The following ZNF827 variants were observed in gnomAD, a reference collection of about 807,000 sequenced individuals.
The protein encoded by ZNF827 is zinc finger protein 827.
A neutral mutation model predicts 102.4 loss-of-function variants in ZNF827; 13 were observed. The observed-to-expected ratio is 0.13, with a 90% confidence interval of 0.08 to 0.20. The LOEUF is 0.20. Among genes scored for constraint, ZNF827 ranks in the 10% least tolerant of loss-of-function variants. ZNF827 has a pLI of 1.00. For synonymous variants in ZNF827, 523 were observed against 536.2 expected, an observed-to-expected ratio of 0.98 and a Z score of 0.34; for missense variants, 1,103 against 1,344.4, an observed-to-expected ratio of 0.82 and a Z score of 2.81.
intron 7 of ZNF827, chr4:145,831,080 A>G (rs1357925115): frequency 1.3e-5 from 2 of 152,240 alleles, no homozygotes; most frequent in Non-Finnish European, 1.5e-5. Flanking sequence ...TCCCTTTTCA[A>G]TACCACAGAA....
intron 3 of ZNF827, among the ~76,000 whole-genome samples, chr4:145,890,793 G>A (rs1421192027): frequency 2.6e-5 from 4 of 152,176 alleles, no homozygotes; most frequent in Non-Finnish European, 2.9e-5. Context: ...AACTAAGTCG[G>A]CTGAGTAAAA....
chr4:145,864,784 T>G (rs550848684), intron 5 of ZNF827, among the ~76,000 whole-genome samples: 1 of 152,104 alleles, frequency 6.6e-6, no homozygotes, highest in African/African-American at 2.4e-5. Flanking sequence ...TGGAAGCAGG[T>G]AGAATCATAA....
chr4:145,869,030 T>C (rs1748453055), intron 5 of ZNF827, among the ~76,000 whole-genome samples: 1 of 152,244 alleles, frequency 6.6e-6, no homozygotes, highest in African/African-American at 2.4e-5. Flanking sequence ...TAGCAAATAG[T>C]ACAATCTTAC....
intron 1 of ZNF827, among the ~76,000 whole-genome samples, chr4:145,906,571 G>A (rs1751887527): frequency 6.6e-6 from 1 of 152,164 alleles, no homozygotes; most frequent in African/African-American, 2.4e-5. Flanking sequence ...GCTGAAACAG[G>A]TGAGTGTGCA....
At chr4:145,876,339 G>A (rs1405847055) in intron 4 of ZNF827, among the ~76,000 whole-genome samples, 2 of 152,188 alleles carry the variant, frequency 1.3e-5, no homozygotes, top group Non-Finnish European at 2.9e-5. Context: ...GTAGCCAGGA[G>A]TACTTCCCAG....
chr4:145,871,569 C>T (rs887259221), intron 4 of ZNF827, among the ~76,000 whole-genome samples: 4 of 152,202 alleles, frequency 2.6e-5, no homozygotes, highest in African/African-American at 7.2e-5. Flanking sequence ...ATTGATTACA[C>T]TGATTGTGTC....
chr4:145,783,489 C>A (rs1356924132), intron 8 of ZNF827, among the ~76,000 whole-genome samples: 2 of 152,210 alleles, frequency 1.3e-5, no homozygotes, highest in African/African-American at 2.4e-5. Context: ...GCTCTAAATT[C>A]TTACCTCTTC....
At chr4:145,785,409 C>T (rs1198109821) in intron 8 of ZNF827, among the ~76,000 whole-genome samples, 1 of 152,160 alleles carries the variant, frequency 6.6e-6, no homozygotes, top group Non-Finnish European at 1.5e-5. Flanking sequence ...GGAAGGAGTT[C>T]TATCAAAATC....
rs1424600332 is a variant in ZNF827 at position 145,849,530 on chromosome 4, C to A, written c.2013G>T (p.Lys671Asn). ...CAACCTCCATGGGTTCCTCTTTAAT[C>A]TTCACCATCTGTGTTTCCTTGTAGC... ...AESYKETQMV[K>N]IKEEPMEVDI... Residue 671 changes from lysine to asparagine, a missense_variant, in exon 6 of 15, where the codon AAG (lysine) becomes AAT (asparagine). Physicochemically the swap from Lys to Asn is moderately conservative, Grantham distance 94. Around this residue, in one of 5 missense-constraint regions of ZNF827, gnomAD observed 243 missense variants for 251.6 expected, o/e 0.97. Coordinates refer to ENST00000508784, the MANE Select transcript of ZNF827 (RefSeq NM_001306215.2). The A allele has an allele frequency of 1.2e-6, 2 of 1,614,182 alleles. No individual in the cohort carries two copies. The highest frequency in any genetic ancestry group is 8.5e-7 in the Non-Finnish European group (1 of 1,180,034).
chr4:145,932,013 A>G (rs2048161), intron 1 of ZNF827, among the ~76,000 whole-genome samples: 141,637 of 152,190 alleles, frequency 0.93, 66,056 homozygotes, highest in East Asian at 1. Flanking sequence ...TCAAGAAAGG[A>G]ATTAGTGCGT....
At chr4:145,798,198 A>T (rs1740554904) in intron 8 of ZNF827, among the ~76,000 whole-genome samples, 1 of 152,220 alleles carries the variant, frequency 6.6e-6, no homozygotes, top group Non-Finnish European at 1.5e-5. Flanking sequence ...CAAGCAATAT[A>T]TATGGTTTGC....
At chr4:145,891,162 G>C (rs912558050) in intron 3 of ZNF827, among the ~76,000 whole-genome samples, 2 of 152,178 alleles carry the variant, frequency 1.3e-5, no homozygotes, top group African/African-American at 4.8e-5. Flanking sequence ...TTGCTATTAA[G>C]ATGCTCAATG....
At chr4:145,849,189 T>C in intron 6 of ZNF827, 133 bp downstream of exon 6, 1 of 1,190,232 alleles carries the variant, frequency 8.4e-7, no homozygotes, top group African/African-American at 1.5e-5. Flanking sequence ...GCAGTATGCA[T>C]GTTAAAGCAA....
intron 8 of ZNF827, among the ~76,000 whole-genome samples, chr4:145,798,105 A>G (rs1740542561): frequency 6.6e-6 from 1 of 152,242 alleles, no homozygotes; most frequent in African/African-American, 2.4e-5. Context: ...AGAGGTTTGC[A>G]TACTGGAGTG....
intron 3 of ZNF827, among the ~76,000 whole-genome samples, chr4:145,891,068 T>C (rs1750558702): frequency 6.6e-6 from 1 of 152,244 alleles, no homozygotes; most frequent in Non-Finnish European, 1.5e-5. Flanking sequence ...TGTCCATACA[T>C]TATACTTCTT....
At chr4:145,885,138 T>C (rs1453018527) in intron 4 of ZNF827, among the ~76,000 whole-genome samples, 2 of 152,138 alleles carry the variant, frequency 1.3e-5, no homozygotes, top group Admixed American at 6.5e-5. Flanking sequence ...TAAAAAAATT[T>C]CCCATTAAAA....
chr4:145,825,067 G>C (rs958056826), intron 7 of ZNF827, among the ~76,000 whole-genome samples: 1 of 152,174 alleles, frequency 6.6e-6, no homozygotes, highest in African/African-American at 2.4e-5. Context: ...GAAGCGAAGG[G>C]GCAGATATGT....
chr4:145,870,140 G>A, intron 5 of ZNF827, 105 bp downstream of exon 5: 1 of 1,045,614 alleles, frequency 9.6e-7, no homozygotes, highest in Non-Finnish European at 1.4e-6. Context: ...CAGCAATAAT[G>A]CGATATTGCT....
chr4:145,776,459 T>C (rs1737107500), intron 9 of ZNF827, among the ~76,000 whole-genome samples: 1 of 138,068 alleles, frequency 7.2e-6, no homozygotes, highest in East Asian at 2.0e-4. Context: ...AAACCTTGTT[T>C]CAAAAAAAAG....
Sources: gnomAD v4.1 joint callset for allele counts (sites outside exome capture counted in the v4.1 genomes callset) on GRCh38, gnomAD v4.1.1 for gene constraint, gnomAD v4.1.1 regional missense constraint, MANE v1.5 for transcripts, NCBI Gene and HGNC (gene_info 2026-07-23, HGNC 2026-07-21) for gene names.